Variants in GPAM observed in about 807,000 individuals in gnomAD.
GPAM encodes the protein glycerol-3-phosphate acyltransferase, mitochondrial.
Under a neutral mutation model 105.0 loss-of-function variants are expected in GPAM, and 56 were observed. The observed-to-expected ratio is 0.53, with a 90% CI of 0.43 to 0.67. The LOEUF (loss-of-function observed/expected upper bound fraction) is 0.67. Ranked by LOEUF, GPAM falls within the 30% of genes least tolerant of loss-of-function variation. The pLI, the probability that GPAM is intolerant of heterozygous loss-of-function variation, is 0.00. For synonymous variants in GPAM, 368 were observed against 354.4 expected (o/e 1.04, Z -0.43); for missense variants, 855 against 989.8 (o/e 0.86, Z 1.83).
In GPAM at chr10:112,153,239, AGTT is replaced by A; in HGVS notation, c.*308_*310del. ...TCCATCACAGTAATTAGTCCTTAAA[AGTT>A]GTACTTAAAATGTCAATCTTTAATA... On this transcript the variant is annotated 3_prime_UTR_variant, in exon 22 of 22. Transcript: ENST00000348367. The A allele has an allele frequency of 2.5e-6, 3 of 1,188,520 alleles. No individual in the cohort carries two copies. Among genetic ancestry groups the A allele is most frequent in the Non-Finnish European group, 3.2e-6 (3 of 946,948 alleles). The allele number at this position is 1,188,520 out of a possible 1,614,324, so 73.6% of individuals were successfully genotyped here. A position where few individuals can be genotyped will look rare whatever the true frequency, so the allele number is the denominator to read the frequency against.
intron 20 of GPAM, chr10:112,155,612 A>G (rs544331066): frequency 1.5e-5 from 6 of 407,400 alleles, no homozygotes; most frequent in Admixed American, 4.1e-5. Context: ...ACACTACACA[A>G]CAAGAACAAA....
chr10:112,200,260 G>A (rs1452253667), intron 1 of GPAM, among the ~76,000 whole-genome samples: 1 of 148,322 alleles, frequency 6.7e-6, no homozygotes, highest in Non-Finnish European at 1.5e-5. Flanking sequence ...GAGAGAGAGA[G>A]AGAGAGAGAA....
the GPAM span, among the ~76,000 whole-genome samples, chr10:112,223,852 G>A: frequency 6.6e-6 from 1 of 152,172 alleles, no homozygotes; most frequent in African/African-American, 2.4e-5. Flanking sequence ...GTGGTGGGCT[G>A]GACTTGGTCC....
intron 14 of GPAM, among the ~76,000 whole-genome samples, chr10:112,162,768 C>G (rs1233512277): frequency 6.6e-6 from 1 of 152,092 alleles, no homozygotes; most frequent in Non-Finnish European, 1.5e-5. Context: ...CACAGCAACA[C>G]CACTGGTTAT....
chr10:112,223,987 A>T, the GPAM span, among the ~76,000 whole-genome samples: 1 of 152,256 alleles, frequency 6.6e-6, no homozygotes, highest in South Asian at 2.1e-4. Context: ...GACCTGACTA[A>T]TCCATCAGGA....
upstream of GPAM, among the ~76,000 whole-genome samples, chr10:112,220,208 TC>T (rs1438083564): frequency 3.3e-5 from 5 of 152,018 alleles, no homozygotes; most frequent in Non-Finnish European, 7.4e-5. Flanking sequence ...CCCCAACCAA[TC>T]AGCAGCACCC....
Position 112,151,537 on chromosome 10 carries a change from T to A in GPAM, c.*2013A>T. ...AGAGCTAGCAAATCATACATTGCATTCCCCAAAGCATCTGAACGTACTTCT... is the reference window on the plus strand; with the variant it reads ...AGAGCTAGCAAATCATACATTGCATACCCCAAAGCATCTGAACGTACTTCT... On this transcript the variant is annotated 3_prime_UTR_variant, in exon 22 of 22. Transcript: ENST00000348367. 1.0e-6 allele frequency: 1 copy of A among 985,630 alleles called. No individual in the cohort carries two copies. Among genetic ancestry groups the A allele is most frequent in the Non-Finnish European group, 1.2e-6 (1 of 829,802 alleles). 61.1% of individuals were successfully genotyped at this position (985,630 alleles called of 1,614,324 possible).
chr10:112,165,837 T>C (rs1481480325), intron 12 of GPAM, among the ~76,000 whole-genome samples: 1 of 152,238 alleles, frequency 6.6e-6, no homozygotes, highest in Non-Finnish European at 1.5e-5. Flanking sequence ...TATTTATTCA[T>C]TTATTCATTC....
chr10:112,165,221 C>T (rs754725609), intron 12 of GPAM, among the ~76,000 whole-genome samples: 8 of 152,170 alleles, frequency 5.3e-5, no homozygotes, highest in Non-Finnish European at 1.2e-4. Flanking sequence ...TACTTCTGTA[C>T]CCATTTTTCT....
chr10:112,168,311 C>G lies in GPAM; in HGVS notation c.1107+1G>C, dbSNP rs1324055058. ...GAAAACTTTTGTGTAGGTACCCTTA[C>G]CAGTTGTTCACCATTGTAGTGACCT... On this transcript the variant is annotated splice_donor_variant, in intron 11 of 21. Transcript: ENST00000348367. LOFTEE classifies it high-confidence loss of function. The G allele has an allele frequency of 6.6e-7, 1 of 1,522,864 alleles. No homozygotes were observed. Among genetic ancestry groups the G allele is most frequent in the Non-Finnish European group, 9.1e-7 (1 of 1,096,634 alleles). 94.3% of individuals were successfully genotyped at this position (1,522,864 alleles called of 1,614,324 possible). A position where few individuals can be genotyped will look rare whatever the true frequency, so the allele number is the denominator to read the frequency against.
intron 6 of GPAM, 123 bp from the exon 7 acceptor site, chr10:112,173,968 A>G (rs1847358870): frequency 1.3e-6 from 1 of 797,404 alleles, no homozygotes; most frequent in South Asian, 1.4e-5. Flanking sequence ...AAATGCGGTA[A>G]CATGAAAGAA....
At chr10:112,162,008 C>T (rs1847133363) in intron 14 of GPAM, among the ~76,000 whole-genome samples, 2 of 152,088 alleles carry the variant, frequency 1.3e-5, no homozygotes, top group Admixed American at 6.5e-5. Flanking sequence ...TACTGAATGA[C>T]GAAGAGACAC....
At position 112,200,167 on chromosome 10, in the gene GPAM, A is replaced by AATATAT. The variant is rs10528337; in HGVS notation, n.210+14995_210+15000dup. The stretch of plus-strand genomic sequence containing the variant: ...ACACATATTTACACATTGTAAAGGA[A>AATATAT]ATATATATATATATATATATATATA... On this transcript the variant is annotated intron_variant and non_coding_transcript_variant, in intron 1 of 3. Transcript: ENST00000480130. 8.4e-3 allele frequency among the ~76,000 whole-genome samples: 730 copies of AATATAT among 87,058 alleles called. 5 individuals carry two copies. The highest frequency in any genetic ancestry group is 0.01 in the Non-Finnish European group (420 of 40,156). The allele number at this position is 87,058 out of a possible 152,430, so 57.1% of individuals were successfully genotyped here.
chr10:112,172,872 A>C, intron 8 of GPAM, 98 bp downstream of exon 8: 1 of 769,718 alleles, frequency 1.3e-6, no homozygotes. Flanking sequence ...AATGGGTTGA[A>C]ATACATCACA....
intron 1 of GPAM, among the ~76,000 whole-genome samples, chr10:112,201,189 G>C (rs899910552): frequency 6.6e-6 from 1 of 152,206 alleles, no homozygotes. Flanking sequence ...AACCCAAGTA[G>C]GGTGTGATGG....
chr10:112,220,365 T>C (rs966370788), upstream of GPAM, among the ~76,000 whole-genome samples: 9 of 152,230 alleles, frequency 5.9e-5, no homozygotes, highest in African/African-American at 1.7e-4. Flanking sequence ...CCTGTCTTGA[T>C]AAATTGGCTC....
intron 1 of GPAM, 34 bp from the exon 2 acceptor site, chr10:112,182,925 G>A (rs1456926018): frequency 6.6e-6 from 1 of 152,248 alleles, no homozygotes; most frequent in Non-Finnish European, 1.5e-5. Context: ...GATGAGGAGA[G>A]GACAAAGAGG....
At position 112,152,303 on chromosome 10, in the gene GPAM, C is replaced by T. The variant is rs1174944791; in HGVS notation, c.*1247G>A. 3 of 984,034 alleles carry T rather than the reference C, an allele frequency of 3.0e-6. No homozygotes were observed. Among genetic ancestry groups the T allele is most frequent in the Non-Finnish European group, 1.2e-6 (1 of 828,856 alleles). 61.0% of individuals were successfully genotyped at this position (984,034 alleles called of 1,614,324 possible). On this transcript the variant is annotated 3_prime_UTR_variant, in exon 22 of 22. Transcript: ENST00000348367. Reference sequence around the variant, plus strand: ...CCATAATAAACCAATAATTATGCTCCCTGCTCACAAAAGGCACCTACCAAT... The same window carrying T: ...CCATAATAAACCAATAATTATGCTCTCTGCTCACAAAAGGCACCTACCAAT...
upstream of GPAM, chr10:112,183,858 G>T (rs943944597): frequency 2.0e-5 from 3 of 152,312 alleles, no homozygotes; most frequent in African/African-American, 7.2e-5. Context: ...CTCAGGGAGC[G>T]TGAGCGGATC....
Sources: gnomAD v4.1 joint callset for allele counts (sites outside exome capture counted in the v4.1 genomes callset) on GRCh38, gnomAD v4.1.1 for gene constraint, MANE v1.5 for transcripts, NCBI Gene and HGNC (gene_info 2026-07-23, HGNC 2026-07-21) for gene names.